Variants in ADAM2 observed in about 807,000 individuals in gnomAD.
The protein encoded by ADAM2 is disintegrin and metalloproteinase domain-containing protein 2.
A neutral mutation model predicts 99.3 loss-of-function variants in ADAM2; 101 were observed. That is an observed-to-expected ratio of 1.02 (90% CI 0.87 to 1.20). ADAM2 has a LOEUF of 1.20. ADAM2 is among the 50% of genes most tolerant of loss of function. The probability of loss-of-function intolerance (pLI) is 0.00; values close to 1 mark genes in which losing one functional copy is unlikely to be tolerated. For missense variants in ADAM2, 948 were observed against 878.7 expected, an observed-to-expected ratio of 1.08 and a Z score of -1.00; for synonymous variants, 323 against 287.6, an observed-to-expected ratio of 1.12 and a Z score of -1.25.
intron 16 of ADAM2, among the ~76,000 whole-genome samples, chr8:39,751,662 A>T (rs75396604): frequency 8.6e-5 from 13 of 151,662 alleles, no homozygotes; most frequent in East Asian, 3.9e-4. Flanking sequence ...AATATTACAT[A>T]AAAAAAACAA....
rs191347190 is a variant in ADAM2 at position 39,757,638 on chromosome 8, C to T, written c.1614-1727G>A. 2.8e-4 allele frequency among the ~76,000 whole-genome samples: 43 copies of T among 152,194 alleles called. No homozygotes were observed. The East Asian group carries it at 4.2e-3, about 15-fold the overall frequency. On this transcript the variant is annotated intron_variant, in intron 15 of 20. Coordinates refer to ENST00000265708, the MANE Select transcript of ADAM2 (RefSeq NM_001464.5). Reference sequence around the variant, plus strand: ...CCAGGGAGCACATAAAAAGCATCTCCCAGAGGCATAACGAAATGAACAATG... The same window carrying T: ...CCAGGGAGCACATAAAAAGCATCTCTCAGAGGCATAACGAAATGAACAATG...
intron 14 of ADAM2, among the ~76,000 whole-genome samples, chr8:39,764,446 G>A (rs1802484666): frequency 6.6e-6 from 1 of 152,108 alleles, no homozygotes; most frequent in African/African-American, 2.4e-5. Context: ...CTGTTTTATT[G>A]CAGTAAAAAC....
At chr8:39,802,332 T>A (rs1804250802) in intron 7 of ADAM2, among the ~76,000 whole-genome samples, 2 of 152,182 alleles carry the variant, frequency 1.3e-5, no homozygotes, top group African/African-American at 2.4e-5. Context: ...TGAAAGAACC[T>A]GGATACCCTG....
chr8:39,790,542 T>G (rs949739472), intron 7 of ADAM2, among the ~76,000 whole-genome samples: 3 of 151,950 alleles, frequency 2.0e-5, no homozygotes, highest in African/African-American at 7.2e-5. Flanking sequence ...GGCAGAGGGA[T>G]TGGGAGTAAT....
At chr8:39,835,817 A>G (rs1805800638) in intron 2 of ADAM2, among the ~76,000 whole-genome samples, 1 of 152,236 alleles carries the variant, frequency 6.6e-6, no homozygotes, top group South Asian at 2.1e-4. Context: ...ATAATAGCCT[A>G]GTTTGTTTTA....
intron 11 of ADAM2, among the ~76,000 whole-genome samples, chr8:39,774,153 G>C (rs144413903): frequency 6.6e-5 from 10 of 151,974 alleles, no homozygotes; most frequent in Middle Eastern, 3.4e-3. Flanking sequence ...TGATAAATGA[G>C]GGTTACAAAG....
At position 39,744,910 on chromosome 8, in the gene ADAM2, A is replaced by G. The variant is rs757987510; in HGVS notation, c.2175-17T>C. ...TCAGGTTGCCTGCATATTAAAAATA[A>G]AAATAATATTATACTTTCTTCAAGA... On this transcript the variant is annotated splice_polypyrimidine_tract_variant and intron_variant, in intron 19 of 20. Transcript: ENST00000265708. The G allele has an allele frequency of 1.9e-6, 3 of 1,578,480 alleles. No individual in the cohort carries two copies. In the African/African-American group the frequency reaches 4.1e-5, roughly 21 times the overall value.
chr8:39,810,564 C>T (rs1312167181), intron 6 of ADAM2, among the ~76,000 whole-genome samples: 1 of 152,126 alleles, frequency 6.6e-6, no homozygotes, highest in Non-Finnish European at 1.5e-5. Context: ...TGTAAAAGAA[C>T]AGAAATTATA....
chr8:39,772,342 A>G (rs1187340913), intron 11 of ADAM2, among the ~76,000 whole-genome samples: 1 of 152,016 alleles, frequency 6.6e-6, no homozygotes, highest in Admixed American at 6.6e-5. Context: ...GAAGTCAAAT[A>G]ATTGACCTAA....
intron 6 of ADAM2, among the ~76,000 whole-genome samples, 153 bp downstream of exon 6, chr8:39,820,849 T>A (rs1009658109): frequency 1.3e-5 from 2 of 152,170 alleles, no homozygotes; most frequent in Admixed American, 6.5e-5. Context: ...CTTAATGATA[T>A]AAGTTATGAA....
chr8:39,750,126 G>A lies in ADAM2; in HGVS notation c.1798-382C>T, dbSNP rs537746268. Reference sequence around the variant, plus strand: ...AGAACAGTTAAAACCTTCTCATTGAGCCCTGATGATAGATAGGACTTAATT... The same window carrying A: ...AGAACAGTTAAAACCTTCTCATTGAACCCTGATGATAGATAGGACTTAATT... On this transcript the variant is annotated intron_variant, in intron 16 of 20. Transcript: ENST00000265708. Among the ~76,000 whole-genome samples, 9 of 152,182 alleles carry A rather than the reference G, an allele frequency of 5.9e-5. No individual in the cohort carries two copies. In the East Asian group the frequency reaches 1.7e-3, roughly 29 times the overall value.
rs1408042283 is a variant in ADAM2, at chr8:39,788,680, A to G, written c.631T>C (p.Leu211=). 6.3e-7 allele frequency: 1 copy of G among 1,580,674 alleles called. No individual in the cohort carries two copies. Among genetic ancestry groups the G allele is most frequent in the East Asian group, 2.3e-5 (1 of 43,080 alleles). Residue 211 remains leucine (L), a synonymous_variant, in exon 8 of 21, where the codon TTG becomes CTG. Transcript: ENST00000265708. Reference sequence around the variant, plus strand: ...AAGCAAAGACTTACAGCATTCGTCAATCCAATCAACTGGAAAACTTTTTGA... The same window carrying G: ...AAGCAAAGACTTACAGCATTCGTCAGTCCAATCAACTGGAAAACTTTTTGA... ...VAQKVFQLIG[L]TNAIFVSFNI...
intron 11 of ADAM2, among the ~76,000 whole-genome samples, chr8:39,772,256 G>A (rs1359615029): frequency 6.6e-6 from 1 of 151,854 alleles, no homozygotes; most frequent in Non-Finnish European, 1.5e-5. Context: ...GGAGCCTCTG[G>A]TTGTTAGTTG....
At chr8:39,783,350 GT>G (rs1284592442) in intron 10 of ADAM2, among the ~76,000 whole-genome samples, 6 of 152,002 alleles carry the variant, frequency 3.9e-5, no homozygotes, top group African/African-American at 1.4e-4. Flanking sequence ...GAGGTAGGTT[GT>G]TTTTTTCCAT....
chr8:39,787,542 C>CTCTA (rs1554524593), intron 9 of ADAM2, among the ~76,000 whole-genome samples: 2 of 128,268 alleles, frequency 1.6e-5, no homozygotes, highest in Admixed American at 8.5e-5. Context: ...CTCTCTCTCT[C>CTCTA]TATATATATA....
At chr8:39,801,851 T>C (rs1018871736) in intron 7 of ADAM2, among the ~76,000 whole-genome samples, 1 of 152,196 alleles carries the variant, frequency 6.6e-6, no homozygotes, top group Non-Finnish European at 1.5e-5. Flanking sequence ...GAACAAGCCA[T>C]CCAGCCTTCC....
In ADAM2 at chr8:39,835,423, G is replaced by A. The variant is rs544605547; in HGVS notation, c.133-1424C>T. ...TTTTAGGCCATGTGCGGTGGCTCACGCCTGTAATCCCAGAACTTTGGGAGG... is the reference window on the plus strand; with the variant it reads ...TTTTAGGCCATGTGCGGTGGCTCACACCTGTAATCCCAGAACTTTGGGAGG... On this transcript the variant is annotated intron_variant, in intron 2 of 20. Coordinates refer to ENST00000265708, the MANE Select transcript of ADAM2 (RefSeq NM_001464.5). 3.0e-4 allele frequency among the ~76,000 whole-genome samples: 45 copies of A among 152,132 alleles called. No homozygotes were observed. In the South Asian group the frequency reaches 3.9e-3, roughly 13 times the overall value.
At chr8:39,792,359 T>C (rs1038157878) in intron 7 of ADAM2, among the ~76,000 whole-genome samples, 1 of 152,030 alleles carries the variant, frequency 6.6e-6, no homozygotes, top group Admixed American at 6.6e-5. Flanking sequence ...AAATTAGGCA[T>C]AGAGAATGGT....
chr8:39,824,741 C>A (rs1011429164), intron 4 of ADAM2, 78 bp downstream of exon 4: 5 of 793,982 alleles, frequency 6.3e-6, no homozygotes, highest in Non-Finnish European at 1.1e-5. Context: ...ACTTTAGACT[C>A]TAATAACATG....
Sources: gnomAD v4.1 joint callset for allele counts (sites outside exome capture counted in the v4.1 genomes callset) on GRCh38, gnomAD v4.1.1 for gene constraint, MANE v1.5 for transcripts, NCBI Gene and HGNC (gene_info 2026-07-23, HGNC 2026-07-21) for gene names.